LAMA3: variants seen among roughly 807,000 people sequenced by gnomAD.
The protein encoded by LAMA3 is laminin subunit alpha 3.
Under a neutral mutation model 402.0 loss-of-function variants are expected in LAMA3, and 281 were observed. The ratio of observed to expected loss-of-function variants is 0.70; its 90% CI spans 0.63 to 0.77. LAMA3 has a LOEUF of 0.77. LAMA3 is among the 30% of genes least tolerant of loss of function. The pLI is 0.00. For missense variants in LAMA3, 3,840 were observed against 4,215.5 expected, an observed-to-expected ratio of 0.91 and a Z score of 2.47; for synonymous variants, 1,431 against 1,558.4, an observed-to-expected ratio of 0.92 and a Z score of 1.93.
At position 23,750,450 on chromosome 18, in the gene LAMA3, T is replaced by G. The variant is rs1363930654; in HGVS notation, c.685-468T>G. On this transcript the variant is annotated intron_variant, in intron 4 of 74. Coordinates refer to ENST00000313654, the MANE Select transcript of LAMA3 (RefSeq NM_198129.4). The stretch of plus-strand genomic sequence containing the variant: ...TTACACAGTTTTTTTTTTTTTTTTT[T>G]TTTTTTTTTTTTTTTTTGCCCCATT... Among the ~76,000 whole-genome samples, 680 of 141,902 alleles carry G rather than the reference T, an allele frequency of 4.8e-3. 8 individuals are homozygous for G. The highest frequency in any genetic ancestry group is 0.016 in the African/African-American group (630 of 38,572). The allele number at this position is 141,902 out of a possible 152,430, so 93.1% of individuals were successfully genotyped here.
intron 36 of LAMA3, among the ~76,000 whole-genome samples, chr18:23,867,558 AAAAAAAAAAAG>A (rs2064392548): frequency 1.3e-5 from 2 of 151,574 alleles, no homozygotes; most frequent in South Asian, 2.1e-4. Context: ...CTGCCAAAAA[AAAAAAAAAAAG>A]AAAAAAAAAA....
chr18:23,878,927 A>T (rs980403938), intron 39 of LAMA3, among the ~76,000 whole-genome samples: 4 of 148,166 alleles, frequency 2.7e-5, no homozygotes, highest in African/African-American at 9.9e-5. Context: ...ATGTGCTGAG[A>T]CCCCCATCTC....
chr18:23,708,304 G>C (rs1030622425), intron 1 of LAMA3, among the ~76,000 whole-genome samples: 2 of 152,170 alleles, frequency 1.3e-5, no homozygotes, highest in African/African-American at 4.8e-5. Flanking sequence ...TGAAGGGCAA[G>C]TTTCCTCCTC....
Position 23,833,748 on chromosome 18 carries a change from A to G in LAMA3, c.2824-80A>G, listed in dbSNP as rs2063528342. 6.6e-6 allele frequency: 10 copies of G among 1,523,896 alleles called. No homozygotes were observed. In the East Asian group the frequency reaches 1.1e-4, roughly 17 times the overall value. 94.4% of individuals were successfully genotyped at this position (1,523,896 alleles called of 1,614,324 possible). Reference sequence around the variant, plus strand: ...ACTTCCAGGGTGTCTTCTGGGCTCTATTTTCACCATTGCTGATGCAAGTGT... The same window carrying G: ...ACTTCCAGGGTGTCTTCTGGGCTCTGTTTTCACCATTGCTGATGCAAGTGT... On this transcript the variant is annotated intron_variant, in intron 23 of 74. Coordinates refer to ENST00000313654, the MANE Select transcript of LAMA3 (RefSeq NM_198129.4).
chr18:23,747,066 G>A (rs541201992), intron 2 of LAMA3, among the ~76,000 whole-genome samples: 4 of 152,168 alleles, frequency 2.6e-5, no homozygotes, highest in African/African-American at 9.6e-5. Flanking sequence ...GACAGTCACC[G>A]GGAAATCTGT....
intron 39 of LAMA3, among the ~76,000 whole-genome samples, chr18:23,878,344 C>T (rs911153549): frequency 1.8e-4 from 28 of 152,142 alleles, no homozygotes; most frequent in African/African-American, 5.6e-4. Context: ...GCCATGTGGC[C>T]GCCAGAGACT....
At chr18:23,899,568 C>T (rs1045806795) in intron 47 of LAMA3, 113 bp downstream of exon 47, 21 of 1,064,702 alleles carry the variant, frequency 2.0e-5, no homozygotes, top group Non-Finnish European at 2.7e-5. Context: ...ATGGTTTCAG[C>T]GAATATTACT....
At chr18:23,808,133 A>G (rs1043838994) in intron 12 of LAMA3, among the ~76,000 whole-genome samples, 9 of 152,172 alleles carry the variant, frequency 5.9e-5, no homozygotes, top group Non-Finnish European at 1.3e-4. Flanking sequence ...CTTAGAGATC[A>G]GGGAATACAG....
chr18:23,886,824 G>A (rs1263468517), intron 41 of LAMA3, among the ~76,000 whole-genome samples: 4 of 152,158 alleles, frequency 2.6e-5, no homozygotes, highest in Non-Finnish European at 5.9e-5. Flanking sequence ...TAGGTCCAAG[G>A]GGTTACTAGA....
rs1189485256 is a variant in LAMA3, at chr18:23,775,820, T to A, written c.1302T>A (p.Asp434Glu). Residue 434 changes from aspartate to glutamate, a missense_variant, in exon 10 of 75, where the codon GAT becomes GAA. By Grantham distance (45) the Asp-to-Glu change is conservative. Coordinates refer to ENST00000313654, the MANE Select transcript of LAMA3 (RefSeq NM_198129.4). ...IPCSCDPEHA[D>E]GCEQGSGRCH... The stretch of plus-strand genomic sequence containing the variant: ...GCAGCTGTGACCCTGAGCATGCGGA[T>A]GGCTGTGAACAGGGTTCAGGCCGCT... 6.2e-7 allele frequency: 1 copy of A among 1,613,932 alleles called. No individual in the cohort carries two copies. Among genetic ancestry groups the A allele is most frequent in the Non-Finnish European group, 8.5e-7 (1 of 1,179,898 alleles).
At chr18:23,769,562 C>T (rs2062150651) in intron 8 of LAMA3, among the ~76,000 whole-genome samples, 1 of 152,094 alleles carries the variant, frequency 6.6e-6, no homozygotes, top group African/African-American at 2.4e-5. Flanking sequence ...AGAGGTACAG[C>T]TAAAAGGCCA....
intron 39 of LAMA3, among the ~76,000 whole-genome samples, chr18:23,881,195 A>G (rs2064883402): frequency 6.6e-6 from 1 of 152,260 alleles, no homozygotes; most frequent in Admixed American, 6.5e-5. Flanking sequence ...TCAACACTTT[A>G]CTGAAGAACA....
intron 70 of LAMA3, among the ~76,000 whole-genome samples, chr18:23,948,967 T>C (rs2082806932): frequency 6.6e-6 from 1 of 152,078 alleles, no homozygotes; most frequent in Admixed American, 6.6e-5. Context: ...AGTTCAAGAG[T>C]TTTATTCGGT....
Position 23,824,412 on chromosome 18 carries a change from A to G in LAMA3, c.2429-11A>G. On this transcript the variant is annotated splice_polypyrimidine_tract_variant and intron_variant, in intron 20 of 74. Coordinates refer to ENST00000313654, the MANE Select transcript of LAMA3 (RefSeq NM_198129.4). ...AAAAATGCCTTAAGCAGTTCTTTGT[A>G]TTTCTGATAGGTGCTGCTCAAAGCA... 8 of 1,614,022 alleles carry G rather than the reference A, an allele frequency of 5.0e-6. No homozygotes were observed. Among genetic ancestry groups the G allele is most frequent in the Non-Finnish European group, 6.8e-6 (8 of 1,179,910 alleles).
In LAMA3 at chr18:23,815,452, G is replaced by A. The variant is rs1045687266; in HGVS notation, c.1942-16G>A. 1.3e-6 allele frequency: 2 copies of A among 1,594,054 alleles called. No individual in the cohort carries two copies. The highest frequency in any genetic ancestry group is 1.3e-5 in the African/African-American group (1 of 74,602). On this transcript the variant is annotated splice_polypyrimidine_tract_variant and intron_variant, in intron 16 of 74. Transcript: ENST00000313654. Reference sequence around the variant, plus strand: ...TAATTATATCAAATGTTGTCATCTGGCTCACTGTTCTGCAGGGAGATGGTG... The same window carrying A: ...TAATTATATCAAATGTTGTCATCTGACTCACTGTTCTGCAGGGAGATGGTG...
At chr18:23,902,469 G>A (rs1487697141) in intron 48 of LAMA3, among the ~76,000 whole-genome samples, 1 of 152,202 alleles carries the variant, frequency 6.6e-6, no homozygotes, top group Non-Finnish European at 1.5e-5. Context: ...TGATGTCTTA[G>A]TGGATGACTC....
intron 2 of LAMA3, among the ~76,000 whole-genome samples, chr18:23,730,044 G>A (rs1409373596): frequency 5.9e-5 from 9 of 152,250 alleles, no homozygotes; most frequent in South Asian, 2.1e-4. Flanking sequence ...CTTTAGTCCC[G>A]GAATAGTTGT....
intron 31 of LAMA3, among the ~76,000 whole-genome samples, chr18:23,847,173 T>A (rs935930288): frequency 6.6e-6 from 1 of 152,134 alleles, no homozygotes; most frequent in African/African-American, 2.4e-5. Context: ...CCTACCAATT[T>A]CCAGAATCCT....
intron 1 of LAMA3, among the ~76,000 whole-genome samples, chr18:23,707,137 C>T (rs1232041684): frequency 2.6e-5 from 4 of 152,202 alleles, no homozygotes; most frequent in African/African-American, 9.6e-5. Flanking sequence ...TGACTGGGTT[C>T]AGCTGGTTGA....
Sources: allele counts gnomAD v4.1 joint callset (sites outside exome capture counted in the v4.1 genomes callset), GRCh38; gene constraint gnomAD v4.1.1; transcripts MANE v1.5; gene names NCBI Gene and HGNC (gene_info 2026-07-23, HGNC 2026-07-21).